The following HSPA12B variants were observed in gnomAD, a reference collection of about 807,000 sequenced individuals.
HSPA12B encodes heat shock 70 kDa protein 12B.
In HSPA12B, 54 loss-of-function variants were observed where a neutral mutation model predicts 69.3. The ratio of observed to expected loss-of-function variants is 0.78; its 90% CI spans 0.63 to 0.98. The LOEUF is 0.98. Among genes scored for constraint, HSPA12B ranks in the 50% least tolerant of loss-of-function variants. HSPA12B has a pLI of 0.00. For synonymous variants in HSPA12B, 441 were observed against 436.5 expected, an observed-to-expected ratio of 1.01 and a Z score of -0.13; for missense variants, 929 against 999.8, an observed-to-expected ratio of 0.93 and a Z score of 0.96.
chr20:3,746,788 C>T (rs890002978), intron 7 of HSPA12B, among the ~76,000 whole-genome samples: 2 of 152,152 alleles, frequency 1.3e-5, no homozygotes, highest in African/African-American at 4.8e-5. Context: ...GAGTTGGGGC[C>T]GGCTTCTTGC....
chr20:3,751,587 G>A lies in HSPA12B; in HGVS notation c.1482G>A (p.Val494=). ...TGGGCGGCTTCGCCGAGTCAGCGGT[G>A]CTGCAGCACGCGGTGCAGGCGGCGC... The part of the protein sequence containing the change: ...FLVGGFAESA[V]LQHAVQAALG... The change falls in exon 13 of 13, where the codon GTG becomes GTA. Residue 494 remains valine (V), a synonymous_variant. Transcript: ENST00000254963. 6.6e-7 allele frequency: 1 copy of A among 1,517,484 alleles called. No individual in the cohort carries two copies. The highest frequency in any genetic ancestry group is 8.8e-7 in the Non-Finnish European group (1 of 1,136,506). 94.0% of individuals were successfully genotyped at this position (1,517,484 alleles called of 1,614,324 possible).
chr20:3,747,178 C>T (rs1358879656), intron 7 of HSPA12B, among the ~76,000 whole-genome samples: 3 of 152,130 alleles, frequency 2.0e-5, no homozygotes, highest in Non-Finnish European at 2.9e-5. Context: ...ATTGCTTGGT[C>T]GTAACCCTAG....
chr20:3,745,055 C>A lies in HSPA12B; in HGVS notation c.420C>A (p.Phe140Leu). The A allele has an allele frequency of 1.2e-6, 2 of 1,613,800 alleles. No individual in the cohort carries two copies. The highest frequency in any genetic ancestry group is 1.7e-6 in the Non-Finnish European group (2 of 1,179,980). The change falls in exon 5 of 13, where the codon TTC becomes TTA. Residue 140 changes from phenylalanine to leucine, a missense_variant. Coordinates refer to ENST00000254963, the MANE Select transcript of HSPA12B (RefSeq NM_052970.5). The surrounding 1 kb of genome is among the most constrained non-coding windows in gnomAD (Gnocchi z 5.6). ...AAGAGGCGCGGGACTGGCTCTACTT[C>A]GAGAAGTTCAAGATGAAGATCCACA... ...DPEEARDWLY[F>L]EKFKMKIHSA...
Position 3,752,335 on chromosome 20 carries a change from C to A in HSPA12B, c.*169C>A, listed in dbSNP as rs1053051843. On this transcript the variant is annotated 3_prime_UTR_variant, in exon 13 of 13. Coordinates refer to ENST00000254963, the MANE Select transcript of HSPA12B (RefSeq NM_052970.5). ...TCATGGGAGAGTGGGTGGGGACACACCCAGAGACTGGCTTTGGGATTGGGC... is the reference window on the plus strand; with the variant it reads ...TCATGGGAGAGTGGGTGGGGACACAACCAGAGACTGGCTTTGGGATTGGGC... 3.2e-6 allele frequency: 2 copies of A among 616,516 alleles called. No individual in the cohort carries two copies. The highest frequency in any genetic ancestry group is 6.7e-5 in the East Asian group (2 of 29,724). 38.2% of individuals were successfully genotyped at this position (616,516 alleles called of 1,614,324 possible).
At position 3,750,867 on chromosome 20, in the gene HSPA12B, GCT is replaced by G; in HGVS notation, c.1368_1369del (p.Phe457SerfsTer178). 1 of 1,614,004 alleles carries G rather than the reference GCT, an allele frequency of 6.2e-7. No individual in the cohort carries two copies. The highest frequency in any genetic ancestry group is 8.5e-7 in the Non-Finnish European group (1 of 1,180,028). ...GAATGTCTTGTGAAGCCATGAACGA[GCT>G]CTTTCAGCCCACCGTCAGCGGGATC... ...LRMSCEAMNELFQPTVSGIIQ... is the reference protein window; with the variant it reads ...LRMSCEAMNEXFQPTVSGIIQ... On this transcript the variant is annotated frameshift_variant, in exon 12 of 13. Coordinates refer to ENST00000254963, the MANE Select transcript of HSPA12B (RefSeq NM_052970.5). LOFTEE classifies it high-confidence loss of function.
rs529123923 is a variant in HSPA12B, at chr20:3,752,697, C to G, written c.*531C>G. On this transcript the variant is annotated 3_prime_UTR_variant, in exon 13 of 13. Transcript: ENST00000254963. ...AGAGGGACAGGTGTGGTGGCACAGT[C>G]CTGGTGTGGTGCTGACCACCCAAAT... 2 of 155,338 alleles carry G rather than the reference C, an allele frequency of 1.3e-5. No homozygotes were observed. The highest frequency in any genetic ancestry group is 4.1e-4 in the South Asian group (2 of 4,878). The allele number at this position is 155,338 out of a possible 1,614,324, so 9.6% of individuals were successfully genotyped here.
At chr20:3,741,068 A>G (rs923606398) in intron 3 of HSPA12B, among the ~76,000 whole-genome samples, 156 bp downstream of exon 3, 1 of 152,134 alleles carries the variant, frequency 6.6e-6, no homozygotes, top group African/African-American at 2.4e-5. Context: ...TGTGCCCCCC[A>G]GAAGGATTGG....
intron 12 of HSPA12B, 167 bp from the exon 13 acceptor site, chr20:3,751,344 T>C: frequency 1.0e-6 from 1 of 985,318 alleles, no homozygotes; most frequent in Non-Finnish European, 1.2e-6. Context: ...AGGACTCCCG[T>C]GAGCTCTCAA....
chr20:3,749,423 C>T lies in HSPA12B; in HGVS notation c.937+105C>T. On this transcript the variant is annotated intron_variant, in intron 9 of 12. Coordinates refer to ENST00000254963, the MANE Select transcript of HSPA12B (RefSeq NM_052970.5). This position sits in a 1 kb window ranked among gnomAD's most constrained non-coding sequence, Gnocchi z 5.5. ...AAAGCCCGTCTCTTCCTCCTCCATT[C>T]GCTGTACCCAACCTGGCCGTCCCCT... is the stretch of plus-strand genomic sequence containing the variant. 2 of 1,081,526 alleles carry T rather than the reference C, an allele frequency of 1.8e-6. No individual in the cohort carries two copies. The highest frequency in any genetic ancestry group is 2.1e-5 in the Admixed American group (1 of 48,416). 67.0% of individuals were successfully genotyped at this position (1,081,526 alleles called of 1,614,324 possible). A position where few individuals can be genotyped will look rare whatever the true frequency, so the allele number is the denominator to read the frequency against.
chr20:3,738,231 A>G (rs886500521), intron 1 of HSPA12B, among the ~76,000 whole-genome samples: 1 of 152,180 alleles, frequency 6.6e-6, no homozygotes, highest in Non-Finnish European at 1.5e-5. Flanking sequence ...TTGTCATTTC[A>G]AAATCACTTG....
At chr20:3,747,030 G>C (rs1240430083) in intron 7 of HSPA12B, among the ~76,000 whole-genome samples, 1 of 152,168 alleles carries the variant, frequency 6.6e-6, no homozygotes, top group Non-Finnish European at 1.5e-5. Context: ...TTGAGCAGGG[G>C]AAATAGGACT....
chr20:3,734,897 G>A (rs538242030), intron 1 of HSPA12B, among the ~76,000 whole-genome samples: 37 of 151,790 alleles, frequency 2.4e-4, no homozygotes, highest in Non-Finnish European at 4.3e-4. Context: ...GCACTACCAC[G>A]CTGGGCTAAT....
Position 3,745,424 on chromosome 20 carries a change from A to C in HSPA12B, c.454-69A>C, listed in dbSNP as rs963136133. The C allele has an allele frequency of 4.4e-6, 5 of 1,128,028 alleles. No homozygotes were observed. In the African/African-American group the frequency reaches 7.6e-5, roughly 17 times the overall value. 69.9% of individuals were successfully genotyped at this position (1,128,028 alleles called of 1,614,324 possible). Reference sequence around the variant, plus strand: ...AGCTCCAGGAAACGGGGTGATTTTAAGAGCGAGGTCGTCAGGAAATGAGTG... The same window carrying C: ...AGCTCCAGGAAACGGGGTGATTTTACGAGCGAGGTCGTCAGGAAATGAGTG... On this transcript the variant is annotated intron_variant, in intron 5 of 12. Transcript: ENST00000254963. The surrounding 1 kb of genome is among the most constrained non-coding windows in gnomAD (Gnocchi z 5.6).
At chr20:3,735,384 C>G (rs114315866) in intron 1 of HSPA12B, among the ~76,000 whole-genome samples, 1,774 of 152,190 alleles carry the variant, frequency 0.012, 38 homozygotes, top group African/African-American at 0.041. Flanking sequence ...CGGTAGATAA[C>G]TGGACAAGCT....
rs767677401 is a variant in HSPA12B at position 3,750,910 on chromosome 20, G to A, written c.1405+3G>A. ...CAGCGGGATCATCCAGCACATAGGT[G>A]AGCACCTGAGCTTGGTCCCCCACCC... is the stretch of plus-strand genomic sequence containing the variant. On this transcript the variant is annotated splice_donor_region_variant and intron_variant, in intron 12 of 12. Transcript: ENST00000254963. 6.2e-7 allele frequency: 1 copy of A among 1,613,568 alleles called. No individual in the cohort carries two copies. Among genetic ancestry groups the A allele is most frequent in the African/African-American group, 1.3e-5 (1 of 75,050 alleles).
intron 7 of HSPA12B, among the ~76,000 whole-genome samples, chr20:3,747,418 C>T (rs2088325988): frequency 6.6e-6 from 1 of 152,158 alleles, no homozygotes; most frequent in African/African-American, 2.4e-5. Context: ...AACACCTGCT[C>T]CCCCAGCGTC....
intron 7 of HSPA12B, 86 bp from the exon 8 acceptor site, chr20:3,748,131 A>C (rs1043208338): frequency 1.6e-6 from 2 of 1,225,718 alleles, no homozygotes; most frequent in Non-Finnish European, 2.2e-6. Flanking sequence ...TGGGAGCCCC[A>C]CAGGCCGCGG....
At chr20:3,741,014 G>A (rs1251381901) in intron 3 of HSPA12B, 102 bp downstream of exon 3, 3 of 890,832 alleles carry the variant, frequency 3.4e-6, no homozygotes, top group South Asian at 1.6e-5. Context: ...AGGAGGAGGG[G>A]ATGGGGGTAG....
At chr20:3,747,306 T>G (rs1433440383) in intron 7 of HSPA12B, among the ~76,000 whole-genome samples, 1 of 152,198 alleles carries the variant, frequency 6.6e-6, no homozygotes, top group Non-Finnish European at 1.5e-5. Flanking sequence ...GGGCCAGGTC[T>G]GTAAATGTCT....
Sources: gnomAD v4.1 joint callset for allele counts (sites outside exome capture counted in the v4.1 genomes callset) on GRCh38, gnomAD v4.1.1 for gene constraint, Gnocchi (gnomAD v3.1) non-coding constraint, MANE v1.5 for transcripts, NCBI Gene and HGNC (gene_info 2026-07-23, HGNC 2026-07-21) for gene names.